The following MAPK10 variants were observed in gnomAD, a reference collection of about 807,000 sequenced individuals.
MAPK10 encodes JNK3 alpha protein kinase.
MAPK10 carries 25 observed loss-of-function variants against 59.3 expected under a neutral mutation model. The observed-to-expected ratio is 0.42, with a 90% CI of 0.31 to 0.59. The LOEUF (loss-of-function observed/expected upper bound fraction) is 0.59. Among genes scored for constraint, MAPK10 ranks in the 20% least tolerant of loss-of-function variants. The pLI, the probability that MAPK10 is intolerant of heterozygous loss-of-function variation, is 0.15. For missense variants in MAPK10, 351 were observed against 568.9 expected, an observed-to-expected ratio of 0.62 and a Z score of 3.90; for synonymous variants, 190 against 200.5, an observed-to-expected ratio of 0.95 and a Z score of 0.44.
intron 4 of MAPK10, among the ~76,000 whole-genome samples, chr4:86,144,172 T>C (rs1053389750): frequency 9.9e-5 from 15 of 152,278 alleles, no homozygotes; most frequent in African/African-American, 3.1e-4. Context: ...CACTTATAAA[T>C]TGATTTAAGT....
chr4:86,330,986 C>A (rs1219811072), intron 2 of MAPK10, among the ~76,000 whole-genome samples: 2 of 151,766 alleles, frequency 1.3e-5, no homozygotes, highest in Non-Finnish European at 2.9e-5. Context: ...CAATAGCTAG[C>A]ATGTAATAGA....
At position 86,253,381 on chromosome 4, in the gene MAPK10, G is replaced by GA. The variant is rs911568179; in HGVS notation, c.-6-58975dup. Among the ~76,000 whole-genome samples the GA allele has an allele frequency of 1.7e-5, 2 of 117,434 alleles. 1 individual carries two copies. The highest frequency in any genetic ancestry group is 3.2e-5 in the Non-Finnish European group (2 of 61,624). 77.0% of individuals were successfully genotyped at this position (117,434 alleles called of 152,430 possible). ...CTAATTTATTGAGAGTTTTTAGCATGAAGCGTTGTTGAATTTTGTCAAAGG... is the reference window on the plus strand; with the variant it reads ...CTAATTTATTGAGAGTTTTTAGCATGAAAGCGTTGTTGAATTTTGTCAAAGG... On this transcript the variant is annotated intron_variant, in intron 2 of 13. Transcript: ENST00000641462.
chr4:86,232,896 G>T lies in MAPK10; in HGVS notation c.-6-38489C>A, dbSNP rs538255108. On this transcript the variant is annotated intron_variant, in intron 2 of 13. Transcript: ENST00000641462. ...TAAAACATACGAGTCAAGGGCAAGA[G>T]CATGAAGAAAGGTATGGAGGTATGT... Among the ~76,000 whole-genome samples the T allele has an allele frequency of 3.6e-5, 5 of 138,036 alleles. No individual in the cohort carries two copies. The South Asian group carries it at 8.7e-4, about 24-fold the overall frequency. The allele number at this position is 138,036 out of a possible 152,430, so 90.6% of individuals were successfully genotyped here.
chr4:86,136,027 G>T lies in MAPK10; in HGVS notation c.236+23271C>A, dbSNP rs549136816. On this transcript the variant is annotated intron_variant, in intron 4 of 13. Coordinates refer to ENST00000641462, the MANE Select transcript of MAPK10 (RefSeq NM_138982.4). ...ATGAACAAAGCTTCCAAGAAATATG[G>T]GACTATGTGAAAAGACCAAATCTAC... 3.9e-5 allele frequency among the ~76,000 whole-genome samples: 6 copies of T among 152,242 alleles called. No homozygotes were observed. In the East Asian group the frequency reaches 1.2e-3, roughly 29 times the overall value.
intron 1 of MAPK10, among the ~76,000 whole-genome samples, chr4:86,545,481 G>T (rs1397962662): frequency 6.6e-6 from 1 of 152,164 alleles, no homozygotes; most frequent in African/African-American, 2.4e-5. Context: ...GTGACGAAAA[G>T]ACCTCAGAAG....
At chr4:86,453,217 A>G (rs1304443019), upstream of MAPK10, 1 of 152,366 alleles carries the variant, frequency 6.6e-6, no homozygotes, top group African/African-American at 2.4e-5. Flanking sequence ...TGAACTTTGT[A>G]ACAATTTCAA....
chr4:86,130,781 G>A (rs1359859571), intron 4 of MAPK10, among the ~76,000 whole-genome samples: 2 of 152,126 alleles, frequency 1.3e-5, no homozygotes, highest in Non-Finnish European at 2.9e-5. Context: ...TTGGGGTTTT[G>A]AGGAAGAGGT....
intron 11 of MAPK10, among the ~76,000 whole-genome samples, chr4:86,045,090 A>G (rs1196109580): frequency 6.6e-6 from 1 of 152,090 alleles, no homozygotes; most frequent in Non-Finnish European, 1.5e-5. Context: ...GTAATTAGAA[A>G]GCTTAATTAC....
At chr4:86,394,295 G>C (rs1031608081) in intron 1 of MAPK10, among the ~76,000 whole-genome samples, 6 of 151,662 alleles carry the variant, frequency 4.0e-5, no homozygotes, top group African/African-American at 1.5e-4. Context: ...AAGAAAGAAA[G>C]AAGAATTGAT....
intron 1 of MAPK10, among the ~76,000 whole-genome samples, chr4:86,584,911 A>G (rs922396721): frequency 6.6e-6 from 1 of 152,202 alleles, no homozygotes; most frequent in African/African-American, 2.4e-5. Flanking sequence ...TATCCAATAA[A>G]AGTCTTGGAT....
chr4:86,296,981 A>C (rs1349328638), intron 2 of MAPK10, among the ~76,000 whole-genome samples: 1 of 152,170 alleles, frequency 6.6e-6, no homozygotes, highest in Non-Finnish European at 1.5e-5. Context: ...GTGCATCAGA[A>C]TCCTCTGGAA....
chr4:86,066,290 C>T (rs1173050331), intron 10 of MAPK10, among the ~76,000 whole-genome samples: 3 of 152,128 alleles, frequency 2.0e-5, no homozygotes, highest in Non-Finnish European at 4.4e-5. Flanking sequence ...AATACTTATA[C>T]ATTAATTCAA....
At chr4:86,529,431 G>T (rs1045573285) in intron 1 of MAPK10, among the ~76,000 whole-genome samples, 1 of 152,108 alleles carries the variant, frequency 6.6e-6, no homozygotes, top group Non-Finnish European at 1.5e-5. Flanking sequence ...ACCTAGAAAG[G>T]CCCCACTCAT....
intron 1 of MAPK10, among the ~76,000 whole-genome samples, chr4:86,479,795 T>G (rs147044145): frequency 1.9e-4 from 29 of 152,282 alleles, no homozygotes; most frequent in African/African-American, 6.3e-4. Flanking sequence ...ATTTTTTCAA[T>G]TCCCACAAAA....
In MAPK10 at chr4:86,017,772, G is replaced by T. The variant is rs187149248; in HGVS notation, c.1253-402C>A. ...GGAGTCTCGCTCTGTCGCCAGGCTG[G>T]AGTGCAGCGGCACAATCTCGGCTCA... On this transcript the variant is annotated intron_variant, in intron 13 of 13. Transcript: ENST00000641462. The surrounding 1 kb of genome is among the most constrained non-coding windows in gnomAD (Gnocchi z 4.4). Among the ~76,000 whole-genome samples, 503 of 152,208 alleles carry T rather than the reference G, an allele frequency of 3.3e-3. 4 individuals carry two copies. Among genetic ancestry groups the T allele is most frequent in the African/African-American group, 0.012 (482 of 41,526 alleles).
intron 1 of MAPK10, among the ~76,000 whole-genome samples, chr4:86,465,454 G>A (rs1488702821): frequency 6.6e-6 from 1 of 152,202 alleles, no homozygotes; most frequent in Non-Finnish European, 1.5e-5. Flanking sequence ...CAAAAAAGGG[G>A]GAGAAATAGT....
rs191448709 is a variant in MAPK10 at position 86,376,271 on chromosome 4, A to G, written c.-121-21627T>C. Among the ~76,000 whole-genome samples, 10 of 152,352 alleles carry G rather than the reference A, an allele frequency of 6.6e-5. No homozygotes were observed. In the South Asian group the frequency reaches 1.9e-3, roughly 28 times the overall value. On this transcript the variant is annotated intron_variant, in intron 1 of 13. Transcript: ENST00000361569. The stretch of plus-strand genomic sequence containing the variant: ...CAGAATATATTCCAGAATATCAAAA[A>G]CAAAACATAGCAAGCCTAAGTAAGT...
chr4:86,132,537 C>CTTTAACTTATAAATAA, intron 4 of MAPK10, among the ~76,000 whole-genome samples: 1 of 152,162 alleles, frequency 6.6e-6, no homozygotes, highest in Admixed American at 6.5e-5. Flanking sequence ...ATCTTAAGTT[C>CTTTAACTTATAAATAA]TATTCCAATT....
intron 1 of MAPK10, among the ~76,000 whole-genome samples, chr4:86,517,953 G>A (rs1003121818): frequency 6.6e-5 from 10 of 152,040 alleles, no homozygotes; most frequent in African/African-American, 2.4e-4. Context: ...TTTCAATCTT[G>A]TTACTTGTTA....
Sources: gnomAD v4.1 joint callset for allele counts (sites outside exome capture counted in the v4.1 genomes callset) on GRCh38, gnomAD v4.1.1 for gene constraint, Gnocchi (gnomAD v3.1) non-coding constraint, MANE v1.5 for transcripts, NCBI Gene and HGNC (gene_info 2026-07-23, HGNC 2026-07-21) for gene names.